Variants in CNTN5 observed in about 807,000 individuals in gnomAD.
CNTN5 encodes contactin 5.
CNTN5 carries 77 observed loss-of-function variants against 129.1 expected under a neutral mutation model. The observed-to-expected ratio is 0.60, with a 90% confidence interval of 0.50 to 0.72. The LOEUF (loss-of-function observed/expected upper bound fraction) is 0.72, where lower values mean the gene tolerates loss of function less well. CNTN5 is among the 30% of genes least tolerant of loss of function. The pLI, the probability that CNTN5 is intolerant of heterozygous loss-of-function variation, is 0.00. For synonymous variants in CNTN5, 509 were observed against 465.6 expected (o/e 1.09, Z -1.20); for missense variants, 1,478 against 1,328.8 (o/e 1.11, Z -1.75).
At chr11:99,559,643 G>T (rs1248581793) in intron 3 of CNTN5, among the ~76,000 whole-genome samples, 1 of 152,132 alleles carries the variant, frequency 6.6e-6, no homozygotes, top group Admixed American at 6.5e-5. Flanking sequence ...AGGCAGTTTT[G>T]CAGTTTCTTA....
chr11:99,530,641 C>T (rs981118305), intron 2 of CNTN5, among the ~76,000 whole-genome samples: 1 of 152,164 alleles, frequency 6.6e-6, no homozygotes, highest in African/African-American at 2.4e-5. Flanking sequence ...TTGTATCTCC[C>T]AGGATTCTCA....
chr11:99,733,947 A>G lies in CNTN5; in HGVS notation c.56-85597A>G, dbSNP rs113912853. ...GGCCTCACTGCTTTTTTTCCCCAGC[A>G]GAGCTCTGGCACCTGCAGCTGAAGG... On this transcript the variant is annotated intron_variant, in intron 3 of 24. Coordinates refer to ENST00000524871, the MANE Select transcript of CNTN5 (RefSeq NM_014361.4). Among the ~76,000 whole-genome samples the G allele has an allele frequency of 3.1e-3, 474 of 152,272 alleles. 6 individuals carry two copies. Among genetic ancestry groups the G allele is most frequent in the African/African-American group, 0.011 (447 of 41,562 alleles).
intron 24 of CNTN5, among the ~76,000 whole-genome samples, chr11:100,354,010 C>G (rs1210149626): frequency 6.6e-6 from 1 of 151,440 alleles, no homozygotes; most frequent in African/African-American, 2.4e-5. Context: ...AGGGTTTTAA[C>G]TAAGGCCAAT....
At chr11:99,901,655 C>G (rs533645681) in intron 6 of CNTN5, among the ~76,000 whole-genome samples, 8 of 152,218 alleles carry the variant, frequency 5.3e-5, no homozygotes, top group Non-Finnish European at 1.2e-4. Context: ...CTAAATTCAG[C>G]TCACCACTGA....
At chr11:100,012,296 C>A (rs1423967959) in intron 9 of CNTN5, among the ~76,000 whole-genome samples, 1 of 152,096 alleles carries the variant, frequency 6.6e-6, no homozygotes, top group Non-Finnish European at 1.5e-5. Flanking sequence ...CATGACCTAA[C>A]AAACGTGAAT....
chr11:99,815,613 CT>C (rs1317304925), intron 3 of CNTN5, among the ~76,000 whole-genome samples: 2 of 152,126 alleles, frequency 1.3e-5, no homozygotes, highest in Admixed American at 6.5e-5. Flanking sequence ...CTCTTCATCC[CT>C]TATGTCTGAA....
chr11:100,074,315 T>A (rs200877540), intron 13 of CNTN5, 21 bp downstream of exon 13: 3 of 1,559,166 alleles, frequency 1.9e-6, no homozygotes, highest in Non-Finnish European at 2.6e-6. Flanking sequence ...ATTTTATAAT[T>A]CAAGTTCAAC....
At chr11:100,276,527 C>CAAAAAAAAAAAAAAAAAAAAAAAAAAA in intron 18 of CNTN5, among the ~76,000 whole-genome samples, 1 of 70,072 alleles carries the variant, frequency 1.4e-5, no homozygotes, top group Non-Finnish European at 2.7e-5. Context: ...GAGACTCTCT[C>CAAAAAAAAAAAAAAAAAAAAAAAAAAA]AAAAAAAAAA....
chr11:99,427,514 C>T (rs899170054), intron 2 of CNTN5, among the ~76,000 whole-genome samples: 1 of 152,002 alleles, frequency 6.6e-6, no homozygotes, highest in Non-Finnish European at 1.5e-5. Context: ...CGCCTGTTAT[C>T]CCAGCACTTT....
chr11:99,489,893 G>A (rs1945968820), intron 2 of CNTN5, among the ~76,000 whole-genome samples: 1 of 152,032 alleles, frequency 6.6e-6, no homozygotes, highest in Non-Finnish European at 1.5e-5. Flanking sequence ...TGTAAAATAG[G>A]AAAACATTTA....
At chr11:99,385,802 G>A (rs543049670) in intron 2 of CNTN5, among the ~76,000 whole-genome samples, 3 of 152,042 alleles carry the variant, frequency 2.0e-5, no homozygotes, top group Non-Finnish European at 4.4e-5. Context: ...TTTCCACAGT[G>A]CATCCTGTAT....
At chr11:99,448,087 A>G (rs1473810153) in intron 2 of CNTN5, among the ~76,000 whole-genome samples, 1 of 152,146 alleles carries the variant, frequency 6.6e-6, no homozygotes, top group Non-Finnish European at 1.5e-5. Flanking sequence ...ATAGTAAGTT[A>G]ACATTATATA....
In CNTN5 at chr11:99,454,701, G is replaced by C. The variant is rs59927016; in HGVS notation, c.-70-101444G>C. 1.7e-3 allele frequency among the ~76,000 whole-genome samples: 262 copies of C among 152,228 alleles called. 1 individual carries two copies. The highest frequency in any genetic ancestry group is 5.9e-3 in the African/African-American group (246 of 41,532). The stretch of plus-strand genomic sequence containing the variant: ...CAGTCCCAGACAATTCTTTATAGCA[G>C]TGTGAAAACAGACTAATACAGGTAA... On this transcript the variant is annotated intron_variant, in intron 2 of 24. Coordinates refer to ENST00000524871, the MANE Select transcript of CNTN5 (RefSeq NM_014361.4).
In CNTN5 at chr11:100,019,114, C is replaced by G. The variant is rs560976063; in HGVS notation, c.980+16978C>G. Among the ~76,000 whole-genome samples, 11 of 151,984 alleles carry G rather than the reference C, an allele frequency of 7.2e-5. No homozygotes were observed. In the South Asian group the frequency reaches 2.1e-3, roughly 29 times the overall value. On this transcript the variant is annotated intron_variant, in intron 9 of 24. Coordinates refer to ENST00000524871, the MANE Select transcript of CNTN5 (RefSeq NM_014361.4). The stretch of plus-strand genomic sequence containing the variant: ...CTGGGACTGTCTTTTTATTGCCTTA[C>G]TAGTGTGTCTCAAAAGGTACAAGTT...
intron 8 of CNTN5, among the ~76,000 whole-genome samples, chr11:99,962,603 T>G (rs1208253043): frequency 1.3e-5 from 2 of 151,266 alleles, no homozygotes; most frequent in Non-Finnish European, 2.9e-5. Flanking sequence ...TTGTGAATAA[T>G]GCCGCAATAA....
intron 1 of CNTN5, among the ~76,000 whole-genome samples, chr11:99,030,881 C>T (rs1034434015): frequency 1.3e-5 from 2 of 150,136 alleles, no homozygotes; most frequent in Non-Finnish European, 1.5e-5. Flanking sequence ...CCCGGGTTCA[C>T]GCCATTCTGC....
intron 2 of CNTN5, among the ~76,000 whole-genome samples, chr11:99,438,621 G>T: frequency 6.6e-6 from 1 of 150,552 alleles, no homozygotes; most frequent in East Asian, 1.9e-4. Context: ...ATATATTTAT[G>T]TTAGCAAAAC....
chr11:99,524,739 G>C (rs1365026964), intron 2 of CNTN5, among the ~76,000 whole-genome samples: 1 of 151,686 alleles, frequency 6.6e-6, no homozygotes, highest in African/African-American at 2.4e-5. Context: ...GGAGGCAGAG[G>C]TTGCAGTGAG....
At chr11:99,084,338 T>C (rs558023770) in intron 1 of CNTN5, among the ~76,000 whole-genome samples, 10 of 152,230 alleles carry the variant, frequency 6.6e-5, no homozygotes, top group Non-Finnish European at 1.3e-4. Flanking sequence ...TTTAAGTTCA[T>C]GTATTAGAAA....
Sources: allele counts gnomAD v4.1 joint callset (sites outside exome capture counted in the v4.1 genomes callset), GRCh38; gene constraint gnomAD v4.1.1; transcripts MANE v1.5; gene names NCBI Gene and HGNC (gene_info 2026-07-23, HGNC 2026-07-21).